Variants in TRIML1 observed in about 807,000 individuals in gnomAD.
TRIML1 encodes the protein tripartite motif family like 1.
TRIML1 carries 34 observed loss-of-function variants against 32.3 expected under a neutral mutation model. The ratio of observed to expected loss-of-function variants is 1.05; its 90% confidence interval spans 0.80 to 1.40. The LOEUF is 1.40. Among genes scored for constraint, TRIML1 ranks in the 40% most tolerant of loss-of-function variants. The pLI is 0.00. For missense variants in TRIML1, 595 were observed against 574.9 expected (o/e 1.03, Z -0.36); for synonymous variants, 244 against 226.6 (o/e 1.08, Z -0.69).
rs1734962841 is a variant in TRIML1 at position 188,144,041 on chromosome 4, A to G, written c.764A>G (p.Glu255Gly). The G allele has an allele frequency of 2.5e-6, 4 of 1,613,824 alleles. No homozygotes were observed. The highest frequency in any genetic ancestry group is 3.3e-5 in the Admixed American group (2 of 59,966). ...EEVRGALERS[E>G]PLLLQCPEAT... is the part of the protein sequence containing the mutation. ...ACCTCTCTGCTCTCTTGCAGGAGCGAGCCACTCTTGCTTCAGTGTCCAGAG... is the reference window on the plus strand; with the variant it reads ...ACCTCTCTGCTCTCTTGCAGGAGCGGGCCACTCTTGCTTCAGTGTCCAGAG... Residue 255 changes from glutamate (E) to glycine (G), a missense_variant, in exon 5 of 6, where the codon GAG (glutamate) becomes GGG (glycine). Transcript: ENST00000332517.
rs748429317 is a variant in TRIML1 at position 188,147,019 on chromosome 4, G to A, written c.1054G>A (p.Glu352Lys). ...GGAGGTGGAGGTGGGAAACAAGACC[G>A]AGTGGGAAGTGGGCATCTGCAAGGA... ...YWEVEVGNKT[E>K]WEVGICKDSV... The change falls in exon 6 of 6, where the codon GAG (glutamate) becomes AAG (lysine). Residue 352 changes from glutamate (E) to lysine (K), a missense_variant. Transcript: ENST00000332517. The A allele has an allele frequency of 1.5e-5, 24 of 1,603,930 alleles. No homozygotes were observed. Among genetic ancestry groups the A allele is most frequent in the South Asian group, 2.2e-5 (2 of 89,494 alleles).
chr4:188,140,310 C>T (rs62354296), intron 1 of TRIML1, among the ~76,000 whole-genome samples: 10,324 of 152,026 alleles, frequency 0.068, 446 homozygotes, highest in East Asian at 0.2. Flanking sequence ...TTAATAGAGA[C>T]GGGGTTTCAC....
In TRIML1 at chr4:188,142,431, G is replaced by C; in HGVS notation, c.684G>C (p.Met228Ile). 1.2e-6 allele frequency: 2 copies of C among 1,613,856 alleles called. No homozygotes were observed. Among genetic ancestry groups the C allele is most frequent in the Non-Finnish European group, 1.7e-6 (2 of 1,180,008 alleles). The change falls in exon 3 of 6, where the codon ATG becomes ATC. Residue 228 changes from methionine (M) to isoleucine (I), a missense_variant. Coordinates refer to ENST00000332517, the MANE Select transcript of TRIML1 (RefSeq NM_178556.5). ...AGCAAATCAGAAGCCTAAGCAAAAT[G>C]ATCGCACAGATTGAGTCCTCAAGTC... Reference protein sequence around the residue: ...LTQQIRSLSKMIAQIESSSQS... With the variant: ...LTQQIRSLSKIIAQIESSSQS...
rs1350016494 is a variant in TRIML1, at chr4:188,147,248, T to C, written c.1283T>C (p.Leu428Pro). Residue 428 changes from leucine (L) to proline (P), a missense_variant, in exon 6 of 6, where the codon CTC (leucine) becomes CCC (proline). Transcript: ENST00000332517. ...TTCTACAACGGGACGGATGAATCCC[T>C]CATCTACAGCTTCCCGCAGGCTTCT... ...IAFYNGTDES[L>P]IYSFPQASFQ... The C allele has an allele frequency of 1.2e-6, 2 of 1,602,278 alleles. No homozygotes were observed. Among genetic ancestry groups the C allele is most frequent in the Non-Finnish European group, 1.7e-6 (2 of 1,173,824 alleles).
chr4:188,143,368 A>C, intron 3 of TRIML1: 1 of 165,528 alleles, frequency 6.0e-6, no homozygotes, highest in Non-Finnish European at 1.3e-5. Context: ...GACTTTCTTA[A>C]ACATAAGCCA....
Position 188,145,153 on chromosome 4 carries a change from T to A in TRIML1, c.856+1020T>A, listed in dbSNP as rs368474684. Among the ~76,000 whole-genome samples, 324 of 151,994 alleles carry A rather than the reference T, an allele frequency of 2.1e-3. 2 individuals are homozygous for A. The highest frequency in any genetic ancestry group is 7.6e-3 in the African/African-American group (315 of 41,488). ...AAATAAAAGTATGAAATGGTATGATTGGGGCCGGGTGCGGTGGCTCACGCT... is the reference window on the plus strand; with the variant it reads ...AAATAAAAGTATGAAATGGTATGATAGGGGCCGGGTGCGGTGGCTCACGCT... On this transcript the variant is annotated intron_variant, in intron 5 of 5. Coordinates refer to ENST00000332517, the MANE Select transcript of TRIML1 (RefSeq NM_178556.5).
At chr4:188,145,162 G>T (rs920872794) in intron 5 of TRIML1, among the ~76,000 whole-genome samples, 1 of 152,068 alleles carries the variant, frequency 6.6e-6, no homozygotes, top group Admixed American at 6.6e-5. Context: ...TTGGGGCCGG[G>T]TGCGGTGGCT....
At chr4:188,141,378 C>T (rs972143327) in intron 2 of TRIML1, among the ~76,000 whole-genome samples, 2 of 151,866 alleles carry the variant, frequency 1.3e-5, no homozygotes, top group Non-Finnish European at 2.9e-5. Context: ...GTTAGCCAGG[C>T]TGATCTCGAA....
downstream of TRIML1, among the ~76,000 whole-genome samples, chr4:188,150,079 G>A (rs1447748794): frequency 4.6e-5 from 7 of 151,584 alleles, no homozygotes; most frequent in Non-Finnish European, 1.0e-4. Flanking sequence ...GTTGAGATTA[G>A]AGACGTGAGC....
upstream of TRIML1, among the ~76,000 whole-genome samples, chr4:188,137,637 C>T (rs190853122): frequency 7.6e-4 from 116 of 151,850 alleles, 1 homozygote; most frequent in East Asian, 0.02. Flanking sequence ...GCCACCATGC[C>T]CGGCTAATTT....
At chr4:188,144,229 T>C (rs892602746) in intron 5 of TRIML1, 96 bp downstream of exon 5, 114 of 1,137,660 alleles carry the variant, frequency 1.0e-4, no homozygotes, top group Non-Finnish European at 1.3e-4. Context: ...GACACGAGGC[T>C]CCTGGTTAAG....
downstream of TRIML1, among the ~76,000 whole-genome samples, chr4:188,148,708 T>C (rs1031896264): frequency 2.6e-5 from 4 of 151,244 alleles, no homozygotes; most frequent in Admixed American, 2.6e-4. Context: ...GTTCAAGCAA[T>C]TCTCCTGCCT....
intron 5 of TRIML1, 68 bp downstream of exon 5, chr4:188,144,201 G>A: frequency 7.3e-7 from 1 of 1,368,260 alleles, no homozygotes; most frequent in Non-Finnish European, 1.0e-6. Flanking sequence ...TTCTTCCAGT[G>A]TCAGACATTC....
At position 188,144,042 on chromosome 4, in the gene TRIML1, G is replaced by A. The variant is rs1291387868; in HGVS notation, c.765G>A (p.Glu255=). 4 of 1,613,992 alleles carry A rather than the reference G, an allele frequency of 2.5e-6. No homozygotes were observed. In the Admixed American group the frequency reaches 5.0e-5, roughly 20 times the overall value. The part of the protein sequence containing the change: ...EEVRGALERS[E]PLLLQCPEAT... Reference sequence around the variant, plus strand: ...CCTCTCTGCTCTCTTGCAGGAGCGAGCCACTCTTGCTTCAGTGTCCAGAGG... The same window carrying A: ...CCTCTCTGCTCTCTTGCAGGAGCGAACCACTCTTGCTTCAGTGTCCAGAGG... The change falls in exon 5 of 6, where the codon GAG becomes GAA. Residue 255 remains glutamate (E), a synonymous_variant. Transcript: ENST00000332517.
downstream of TRIML1, among the ~76,000 whole-genome samples, chr4:188,150,624 T>C (rs1484480475): frequency 6.6e-6 from 1 of 152,034 alleles, no homozygotes; most frequent in Admixed American, 6.6e-5. Context: ...TGTAGCATAA[T>C]CCAGTGATAC....
At chr4:188,150,723 G>A (rs1735231516), downstream of TRIML1, among the ~76,000 whole-genome samples, 1 of 151,492 alleles carries the variant, frequency 6.6e-6, no homozygotes, top group African/African-American at 2.4e-5. Flanking sequence ...ATCCCCAGTG[G>A]CTCTTTGCTG....
upstream of TRIML1, among the ~76,000 whole-genome samples, chr4:188,137,595 A>G (rs1430931881): frequency 2.7e-5 from 4 of 150,664 alleles, no homozygotes; most frequent in Non-Finnish European, 5.9e-5. Flanking sequence ...CTTCTGTCTC[A>G]GCCTCCTGAC....
At chr4:188,144,462 A>C (rs7692944) in intron 5 of TRIML1, among the ~76,000 whole-genome samples, 67,841 of 134,756 alleles carry the variant, frequency 0.5, 18,048 homozygotes, top group East Asian at 0.59. Context: ...TCCCGGGTTC[A>C]CGCCATTCTC....
At chr4:188,146,338 T>C (rs925626666) in intron 5 of TRIML1, among the ~76,000 whole-genome samples, 1 of 152,202 alleles carries the variant, frequency 6.6e-6, no homozygotes, top group Non-Finnish European at 1.5e-5. Context: ...CTCTTCTCTC[T>C]GTCTCCATTT....
Sources: gnomAD v4.1 joint callset for allele counts (sites outside exome capture counted in the v4.1 genomes callset) on GRCh38, gnomAD v4.1.1 for gene constraint, MANE v1.5 for transcripts, NCBI Gene and HGNC (gene_info 2026-07-23, HGNC 2026-07-21) for gene names.